AGBL4: variants seen among roughly 807,000 people sequenced by gnomAD.
The protein encoded by AGBL4 is cytosolic carboxypeptidase 6.
Under a neutral mutation model 66.4 loss-of-function variants are expected in AGBL4, and 58 were observed. The observed-to-expected ratio is 0.87, with a 90% CI of 0.71 to 1.09. The LOEUF (loss-of-function observed/expected upper bound fraction) is 1.09. AGBL4 is among the 50% of genes least tolerant of loss of function. The pLI is 0.00. For missense variants in AGBL4, 579 were observed against 631.0 expected (o/e 0.92, Z 0.88); for synonymous variants, 234 against 222.9 (o/e 1.05, Z -0.44).
intron 4 of AGBL4, among the ~76,000 whole-genome samples, chr1:49,176,743 A>G (rs1253806947): frequency 1.3e-5 from 2 of 152,160 alleles, no homozygotes; most frequent in African/African-American, 4.8e-5. Flanking sequence ...TAGCTAACAT[A>G]GGTCTACATT....
chr1:49,546,500 A>T (rs1652502524), intron 3 of AGBL4, among the ~76,000 whole-genome samples: 1 of 151,984 alleles, frequency 6.6e-6, no homozygotes, highest in Admixed American at 6.6e-5. Context: ...TTTTTGTATA[A>T]TGACTTCTTT....
chr1:48,849,323 ATTTATATATTGG>A (rs1169626976), intron 6 of AGBL4, among the ~76,000 whole-genome samples: 1 of 152,236 alleles, frequency 6.6e-6, no homozygotes, highest in African/African-American at 2.4e-5. Context: ...ATACAACTGC[ATTTATATATTGG>A]CCGATGTTTC....
At chr1:49,834,608 T>G (rs762014347) in intron 2 of AGBL4, among the ~76,000 whole-genome samples, 7 of 152,186 alleles carry the variant, frequency 4.6e-5, no homozygotes, top group Non-Finnish European at 7.4e-5. Flanking sequence ...ATTTCTTGTC[T>G]TCTGTTAGCT....
chr1:48,733,784 G>T (rs929505502), intron 6 of AGBL4, among the ~76,000 whole-genome samples: 1 of 152,238 alleles, frequency 6.6e-6, no homozygotes, highest in East Asian at 1.9e-4. Context: ...ACAAAATTTG[G>T]TCAGGCGATC....
At chr1:49,348,093 G>T (rs767157569) in intron 3 of AGBL4, among the ~76,000 whole-genome samples, 2 of 151,942 alleles carry the variant, frequency 1.3e-5, no homozygotes, top group Admixed American at 6.6e-5. Context: ...CTATTTGAGT[G>T]GGCCCTAAAC....
intron 9 of AGBL4, among the ~76,000 whole-genome samples, chr1:48,602,434 T>C (rs1410380486): frequency 6.6e-6 from 1 of 152,208 alleles, no homozygotes; most frequent in Admixed American, 6.5e-5. Flanking sequence ...TCTCTTTCAT[T>C]TGGCCTCTAA....
At chr1:49,941,657 G>T (rs1654769797) in intron 1 of AGBL4, among the ~76,000 whole-genome samples, 1 of 151,850 alleles carries the variant, frequency 6.6e-6, no homozygotes, top group Non-Finnish European at 1.5e-5. Context: ...GATGCAGAAA[G>T]AAAATGTGAC....
chr1:48,683,033 A>C (rs1357471843), intron 6 of AGBL4, among the ~76,000 whole-genome samples: 1 of 152,202 alleles, frequency 6.6e-6, no homozygotes, highest in Non-Finnish European at 1.5e-5. Flanking sequence ...GAACACTAAA[A>C]AGAACAGTGG....
intron 1 of AGBL4, among the ~76,000 whole-genome samples, chr1:49,868,490 A>G (rs368393948): frequency 2.0e-4 from 31 of 152,322 alleles, no homozygotes; most frequent in Admixed American, 3.3e-4. Context: ...CAAACCTGAC[A>G]AAAACAAGCA....
chr1:49,586,630 A>T (rs4926823), intron 3 of AGBL4, among the ~76,000 whole-genome samples: 103,652 of 151,864 alleles, frequency 0.68, 36,098 homozygotes, highest in African/African-American at 0.77. Flanking sequence ...ATGCAACCAT[A>T]ATCAATAATC....
chr1:48,779,080 T>C (rs1468557835), intron 6 of AGBL4, among the ~76,000 whole-genome samples: 4 of 152,244 alleles, frequency 2.6e-5, no homozygotes, highest in South Asian at 2.1e-4. Flanking sequence ...TACATTCCTA[T>C]GGTGGTCAAG....
intron 2 of AGBL4, among the ~76,000 whole-genome samples, chr1:49,849,781 A>G (rs1452305782): frequency 6.6e-6 from 1 of 152,126 alleles, no homozygotes; most frequent in East Asian, 1.9e-4. Flanking sequence ...ATGGAAGAAG[A>G]CTGCAGTGGG....
At chr1:49,329,049 G>A (rs1226063521) in intron 3 of AGBL4, among the ~76,000 whole-genome samples, 1 of 152,194 alleles carries the variant, frequency 6.6e-6, no homozygotes, top group Non-Finnish European at 1.5e-5. Context: ...GCTCACGCCT[G>A]TAATCTCAGC....
At chr1:48,706,735 A>G (rs928569188) in intron 6 of AGBL4, among the ~76,000 whole-genome samples, 6 of 152,248 alleles carry the variant, frequency 3.9e-5, no homozygotes, top group African/African-American at 1.4e-4. Flanking sequence ...TGTTAAATAA[A>G]TGAATGCATC....
At chr1:49,988,819 G>T (rs994049958) in intron 1 of AGBL4, among the ~76,000 whole-genome samples, 2 of 152,060 alleles carry the variant, frequency 1.3e-5, no homozygotes, top group Non-Finnish European at 2.9e-5. Context: ...AAAGTAATAG[G>T]AGTAGTAACT....
At chr1:49,436,734 G>C (rs1340956197) in intron 3 of AGBL4, among the ~76,000 whole-genome samples, 2 of 152,050 alleles carry the variant, frequency 1.3e-5, no homozygotes, top group Non-Finnish European at 2.9e-5. Context: ...AAGGAAGGGG[G>C]TGTAGTTCCG....
intron 5 of AGBL4, among the ~76,000 whole-genome samples, chr1:49,013,043 T>A (rs1006443445): frequency 2.0e-5 from 3 of 152,196 alleles, no homozygotes; most frequent in African/African-American, 4.8e-5. Context: ...AAGCAGGCCC[T>A]CACCAGAAGC....
intron 3 of AGBL4, among the ~76,000 whole-genome samples, chr1:49,391,916 G>A (rs1448029974): frequency 3.3e-5 from 5 of 151,930 alleles, no homozygotes; most frequent in Non-Finnish European, 7.4e-5. Context: ...CAAAATATTG[G>A]AAGACAAGCA....
chr1:48,581,764 C>T (rs1400976910), intron 11 of AGBL4, among the ~76,000 whole-genome samples: 5 of 152,202 alleles, frequency 3.3e-5, no homozygotes, highest in Admixed American at 2.0e-4. Flanking sequence ...TCCCATGCAG[C>T]CCTAACAACA....
Sources: gnomAD v4.1 joint callset for allele counts (sites outside exome capture counted in the v4.1 genomes callset) on GRCh38, gnomAD v4.1.1 for gene constraint, MANE v1.5 for transcripts, NCBI Gene and HGNC (gene_info 2026-07-23, HGNC 2026-07-21) for gene names.